Variants in DLC1 observed in about 807,000 individuals in gnomAD.
DLC1 encodes rho GTPase-activating protein 7.
DLC1 carries 54 observed loss-of-function variants against 140.3 expected under a neutral mutation model. That is an observed-to-expected ratio of 0.38 (90% confidence interval 0.31 to 0.48). The LOEUF (loss-of-function observed/expected upper bound fraction) is 0.48. Ranked by LOEUF, DLC1 falls within the 20% of genes least tolerant of loss-of-function variation. The pLI is 0.96. For missense variants in DLC1, 2,536 were observed against 1,907.0 expected, an observed-to-expected ratio of 1.33 and a Z score of -6.14; for synonymous variants, 986 against 728.1, an observed-to-expected ratio of 1.35 and a Z score of -5.70.
chr8:13,599,115 G>C (rs1284505608), intron 1 of DLC1, among the ~76,000 whole-genome samples: 1 of 151,662 alleles, frequency 6.6e-6, no homozygotes, highest in African/African-American at 2.4e-5. Context: ...CTAGCATTCT[G>C]ATTGAAAAAA....
chr8:13,529,584 A>T (rs1434120883), intron 1 of DLC1, among the ~76,000 whole-genome samples: 6 of 152,192 alleles, frequency 3.9e-5, no homozygotes, highest in African/African-American at 1.4e-4. Flanking sequence ...AATACTTAGA[A>T]AATATTGTAG....
intron 1 of DLC1, among the ~76,000 whole-genome samples, chr8:13,559,965 A>G (rs759082311): frequency 2.0e-5 from 3 of 152,250 alleles, no homozygotes; most frequent in South Asian, 2.1e-4. Flanking sequence ...TTGAACTACA[A>G]TAAAACAAAT....
chr8:13,190,125 G>C (rs1047701330), intron 5 of DLC1, among the ~76,000 whole-genome samples: 1 of 152,096 alleles, frequency 6.6e-6, no homozygotes, highest in East Asian at 1.9e-4. Flanking sequence ...TATCATTTTG[G>C]CAGGTAAACG....
intron 2 of DLC1, among the ~76,000 whole-genome samples, chr8:13,401,875 A>G (rs1223584736): frequency 3.3e-5 from 5 of 152,158 alleles, no homozygotes; most frequent in African/African-American, 1.2e-4. Flanking sequence ...TATAACACCT[A>G]TGAGTAATGG....
intron 5 of DLC1, among the ~76,000 whole-genome samples, chr8:13,270,768 G>T (rs972197698): frequency 6.6e-6 from 1 of 151,414 alleles, no homozygotes; most frequent in Non-Finnish European, 1.5e-5. Flanking sequence ...AACCACTTTT[G>T]CCCAAAAGCC....
chr8:13,183,370 G>C (rs990374382), intron 5 of DLC1, among the ~76,000 whole-genome samples: 9 of 152,278 alleles, frequency 5.9e-5, no homozygotes, highest in South Asian at 2.1e-4. Flanking sequence ...GGAGTGGTGA[G>C]AGAGGGCATC....
At chr8:13,447,565 T>G (rs548105541) in intron 2 of DLC1, among the ~76,000 whole-genome samples, 1 of 152,278 alleles carries the variant, frequency 6.6e-6, no homozygotes, top group East Asian at 1.9e-4. Context: ...TCAATACTAT[T>G]TTAGAAAAGA....
intron 5 of DLC1, chr8:13,304,505 G>C: frequency 7.4e-6 from 2 of 269,584 alleles, no homozygotes; most frequent in Non-Finnish European, 5.7e-6. Flanking sequence ...TACTGCTTTA[G>C]TGTAAAGGCA....
At chr8:13,170,812 C>T (rs577316898) in intron 5 of DLC1, among the ~76,000 whole-genome samples, 4 of 151,122 alleles carry the variant, frequency 2.6e-5, no homozygotes, top group African/African-American at 9.7e-5. Context: ...ACATCTAATG[C>T]TAGAAGAATA....
At chr8:13,120,356 A>AAAAAAAAAAATATATAT in intron 5 of DLC1, among the ~76,000 whole-genome samples, 1 of 61,122 alleles carries the variant, frequency 1.6e-5, no homozygotes, top group Admixed American at 2.7e-4. Flanking sequence ...AAAAAAAAAA[A>AAAAAAAAAAATATATAT]ATATATATAT....
chr8:13,364,458 C>G (rs1016377947), intron 4 of DLC1, among the ~76,000 whole-genome samples: 1 of 152,132 alleles, frequency 6.6e-6, no homozygotes, highest in Non-Finnish European at 1.5e-5. Flanking sequence ...GCCACCACGC[C>G]AGGCTAATTT....
At chr8:13,478,096 T>C (rs1800520632) in intron 2 of DLC1, among the ~76,000 whole-genome samples, 1 of 152,108 alleles carries the variant, frequency 6.6e-6, no homozygotes, top group Non-Finnish European at 1.5e-5. Flanking sequence ...GACTGGGTAA[T>C]TTATAAAGAA....
At chr8:13,132,593 C>A (rs190566696) in intron 5 of DLC1, among the ~76,000 whole-genome samples, 2 of 152,104 alleles carry the variant, frequency 1.3e-5, no homozygotes, top group African/African-American at 4.8e-5. Flanking sequence ...GGTGTCGCCG[C>A]GCCCCTCGAG....
intron 10 of DLC1, chr8:13,095,517 G>A (rs1818436708): frequency 2.3e-6 from 1 of 428,586 alleles, no homozygotes; most frequent in South Asian, 3.1e-5. Flanking sequence ...CCTGGACAGT[G>A]CTGTTCTAGA....
intron 1 of DLC1, among the ~76,000 whole-genome samples, chr8:13,564,722 C>A (rs778487298): frequency 6.6e-6 from 1 of 152,102 alleles, no homozygotes; most frequent in Non-Finnish European, 1.5e-5. Flanking sequence ...TGGGGTTGGC[C>A]TTATAGCTGC....
intron 1 of DLC1, among the ~76,000 whole-genome samples, chr8:13,581,443 A>C (rs1253115744): frequency 6.6e-6 from 1 of 152,200 alleles, no homozygotes; most frequent in African/African-American, 2.4e-5. Flanking sequence ...CCATTCATTT[A>C]GTCAAGGCAA....
chr8:13,109,227 G>A (rs865837221), intron 7 of DLC1, among the ~76,000 whole-genome samples: 1 of 152,010 alleles, frequency 6.6e-6, no homozygotes, highest in Non-Finnish European at 1.5e-5. Context: ...AGAAATACTG[G>A]GTGTCATTCT....
At position 13,422,077 on chromosome 8, in the gene DLC1, C is replaced by G. The variant is rs1838343889; in HGVS notation, c.1024-20458G>C. Reference sequence around the variant, plus strand: ...TGTATAAGTACAAATAAAACTATGACTGATAAATCTTTTGAGTCAGAGAGC... The same window carrying G: ...TGTATAAGTACAAATAAAACTATGAGTGATAAATCTTTTGAGTCAGAGAGC... On this transcript the variant is annotated intron_variant, in intron 2 of 17. Transcript: ENST00000276297. 2.0e-5 allele frequency among the ~76,000 whole-genome samples: 3 copies of G among 152,190 alleles called. No individual in the cohort carries two copies. The South Asian group carries it at 6.2e-4, about 32-fold the overall frequency.
chr8:13,228,782 C>G (rs770329021), intron 5 of DLC1, among the ~76,000 whole-genome samples: 3 of 152,136 alleles, frequency 2.0e-5, no homozygotes, highest in Non-Finnish European at 4.4e-5. Flanking sequence ...TCCGGATAGA[C>G]ATTTCTTCCG....
Sources: gnomAD v4.1 joint callset for allele counts (sites outside exome capture counted in the v4.1 genomes callset) on GRCh38, gnomAD v4.1.1 for gene constraint, MANE v1.5 for transcripts, NCBI Gene and HGNC (gene_info 2026-07-23, HGNC 2026-07-21) for gene names.